MYO3B: variants seen among roughly 807,000 people sequenced by gnomAD.
The protein encoded by MYO3B is myosin IIIB, also known as myosin-IIIb.
Under a neutral mutation model 174.6 loss-of-function variants are expected in MYO3B, and 156 were observed. That is an observed-to-expected ratio of 0.89 (90% CI 0.78 to 1.02). The LOEUF (loss-of-function observed/expected upper bound fraction) is 1.02. Among genes scored for constraint, MYO3B ranks in the 50% least tolerant of loss-of-function variants. MYO3B has a pLI of 0.00. For synonymous variants in MYO3B, 563 were observed against 569.1 expected, an observed-to-expected ratio of 0.99 and a Z score of 0.15; for missense variants, 1,632 against 1,639.4, an observed-to-expected ratio of 1.00 and a Z score of 0.08.
At chr2:170,270,345 G>C (rs2093416863) in intron 7 of MYO3B, among the ~76,000 whole-genome samples, 1 of 152,132 alleles carries the variant, frequency 6.6e-6, no homozygotes. Flanking sequence ...CTAGAGTTTG[G>C]ATGAGAAAGA....
chr2:170,646,511 C>T (rs1224772556), intron 32 of MYO3B, among the ~76,000 whole-genome samples: 1 of 151,902 alleles, frequency 6.6e-6, no homozygotes, highest in Non-Finnish European at 1.5e-5. Flanking sequence ...CCTCCTTTCT[C>T]AGCCTCCGGA....
At chr2:170,500,233 A>G (rs1687171759) in intron 27 of MYO3B, among the ~76,000 whole-genome samples, 2 of 152,228 alleles carry the variant, frequency 1.3e-5, no homozygotes, top group Non-Finnish European at 2.9e-5. Context: ...GTTGAAGCTT[A>G]AATACCCTCT....
intron 22 of MYO3B, 29 bp downstream of exon 22, chr2:170,407,873 T>C (rs1436927331): frequency 6.2e-7 from 1 of 1,612,244 alleles, no homozygotes. Context: ...ATAGCCCTGC[T>C]CTTAAAGCTT....
At chr2:170,498,200 G>A (rs560412426) in intron 25 of MYO3B, among the ~76,000 whole-genome samples, 1 of 152,254 alleles carries the variant, frequency 6.6e-6, no homozygotes, top group East Asian at 1.9e-4. Context: ...ACTTTGCAAA[G>A]CAGAGTCAAA....
At chr2:170,621,715 T>G (rs1174906717) in intron 32 of MYO3B, among the ~76,000 whole-genome samples, 2 of 152,042 alleles carry the variant, frequency 1.3e-5, no homozygotes, top group Non-Finnish European at 2.9e-5. Context: ...TTTCGTCATG[T>G]TGGTCAGGCC....
intron 32 of MYO3B, among the ~76,000 whole-genome samples, chr2:170,569,115 C>T (rs969963609): frequency 2.8e-5 from 3 of 105,906 alleles, no homozygotes; most frequent in Non-Finnish European, 4.0e-5. Flanking sequence ...AAATTGCGAA[C>T]GTTTTTCTTT....
chr2:170,431,357 A>G lies in MYO3B; in HGVS notation c.2651-12610A>G, dbSNP rs1182023271. On this transcript the variant is annotated intron_variant, in intron 22 of 34. Coordinates refer to ENST00000408978, the MANE Select transcript of MYO3B (RefSeq NM_138995.5). ...ACTCCACTATTGACTGTGTTAGGAA[A>G]GAGAAGCCTTGTTAGCTCCTTGAAA... Among the ~76,000 whole-genome samples, 3 of 152,256 alleles carry G rather than the reference A, an allele frequency of 2.0e-5. No homozygotes were observed. The East Asian group carries it at 5.8e-4, about 29-fold the overall frequency.
chr2:170,568,658 C>A (rs1692229026), intron 32 of MYO3B, among the ~76,000 whole-genome samples: 1 of 152,146 alleles, frequency 6.6e-6, no homozygotes, highest in Non-Finnish European at 1.5e-5. Flanking sequence ...CACAAAGATA[C>A]CTTTGCATAT....
At chr2:170,599,243 C>T (rs554297948) in intron 32 of MYO3B, among the ~76,000 whole-genome samples, 13 of 152,294 alleles carry the variant, frequency 8.5e-5, no homozygotes, top group South Asian at 2.1e-4. Context: ...GAATACTGTT[C>T]GTACTGGTAG....
chr2:170,370,659 A>AG (rs2094235432), intron 9 of MYO3B, among the ~76,000 whole-genome samples: 1 of 148,762 alleles, frequency 6.7e-6, no homozygotes, highest in Non-Finnish European at 1.5e-5. Flanking sequence ...ACACACACAC[A>AG]CACACACACA....
rs368016376 is a variant in MYO3B at position 170,383,791 on chromosome 2, A to C, written c.1267A>C (p.Met423Leu). The C allele has an allele frequency of 5.0e-6, 8 of 1,613,476 alleles. No individual in the cohort carries two copies. The African/African-American group carries it at 9.3e-5, about 19-fold the overall frequency. ...ATCAGCAGATGCTGCTTACCAGTGC[A>C]TGGTTACTCTCAGCAAAGACCAGGT... ...FASADAAYQC[M>L]VTLSKDQCIV... Residue 423 changes from methionine to leucine, a missense_variant, in exon 12 of 35, where the codon ATG (methionine) becomes CTG (leucine). Met to Leu is a conservative substitution (Grantham distance 15). Coordinates refer to ENST00000408978, the MANE Select transcript of MYO3B (RefSeq NM_138995.5).
intron 22 of MYO3B, among the ~76,000 whole-genome samples, chr2:170,409,327 T>G (rs551731584): frequency 3.3e-5 from 5 of 152,304 alleles, no homozygotes; most frequent in Non-Finnish European, 2.9e-5. Context: ...AGAGATAACC[T>G]CCGCCGCTGC....
intron 25 of MYO3B, among the ~76,000 whole-genome samples, chr2:170,484,413 A>G (rs911802835): frequency 1.3e-5 from 2 of 152,348 alleles, no homozygotes. Context: ...TAAATTTTCT[A>G]ATTGTAAATA....
At chr2:170,193,484 A>G (rs903604301) in intron 1 of MYO3B, among the ~76,000 whole-genome samples, 1 of 151,752 alleles carries the variant, frequency 6.6e-6, no homozygotes, top group African/African-American at 2.4e-5. Flanking sequence ...TGTTTTTTCT[A>G]TGTTTTGACC....
intron 11 of MYO3B, 26 bp downstream of exon 11, chr2:170,383,215 G>T (rs761883592): frequency 7.4e-7 from 1 of 1,348,324 alleles, no homozygotes; most frequent in Non-Finnish European, 1.1e-6. Flanking sequence ...AGAGCATACT[G>T]CTCCTTAATA....
chr2:170,423,448 T>A (rs2094634618), intron 22 of MYO3B, among the ~76,000 whole-genome samples: 1 of 152,068 alleles, frequency 6.6e-6, no homozygotes, highest in Non-Finnish European at 1.5e-5. Flanking sequence ...TAAAGTGAGG[T>A]GGGGTAGCAC....
chr2:170,337,166 A>G (rs1167052240), intron 8 of MYO3B, among the ~76,000 whole-genome samples: 2 of 152,026 alleles, frequency 1.3e-5, no homozygotes, highest in Non-Finnish European at 2.9e-5. Flanking sequence ...CCACTTCCAG[A>G]GGTTTGGGAC....
At chr2:170,227,073 C>T (rs1411482246) in intron 6 of MYO3B, among the ~76,000 whole-genome samples, 3 of 152,172 alleles carry the variant, frequency 2.0e-5, no homozygotes, top group Non-Finnish European at 2.9e-5. Context: ...AGTCTCAGCC[C>T]ATGAAAGAGA....
intron 28 of MYO3B, among the ~76,000 whole-genome samples, chr2:170,506,233 G>A (rs1389113941): frequency 1.3e-5 from 2 of 152,190 alleles, no homozygotes; most frequent in African/African-American, 2.4e-5. Context: ...AGCAAACATC[G>A]TATCCAGACA....
Sources: gnomAD v4.1 joint callset for allele counts (sites outside exome capture counted in the v4.1 genomes callset) on GRCh38, gnomAD v4.1.1 for gene constraint, MANE v1.5 for transcripts, NCBI Gene and HGNC (gene_info 2026-07-23, HGNC 2026-07-21) for gene names.